The following CCDC83 variants were observed in gnomAD, a reference collection of about 807,000 sequenced individuals.
CCDC83 encodes coiled-coil domain-containing protein 83.
A neutral mutation model predicts 50.1 loss-of-function variants in CCDC83; 54 were observed. The ratio of observed to expected loss-of-function variants is 1.08; its 90% CI spans 0.87 to 1.35. The LOEUF (loss-of-function observed/expected upper bound fraction) is 1.35, where lower values mean the gene tolerates loss of function less well. CCDC83 is among the 40% of genes most tolerant of loss of function. The probability of loss-of-function intolerance (pLI) is 0.00; values close to 1 mark genes in which losing one functional copy is unlikely to be tolerated. For missense variants in CCDC83, 518 were observed against 473.9 expected (o/e 1.09, Z -0.86); for synonymous variants, 161 against 153.3 (o/e 1.05, Z -0.37).
At chr11:85,896,291 C>A (rs2093374884) in intron 6 of CCDC83, among the ~76,000 whole-genome samples, 1 of 148,240 alleles carries the variant, frequency 6.7e-6, no homozygotes, top group Admixed American at 6.9e-5. Flanking sequence ...GTGCCAGCTA[C>A]TTGGGGCACT....
intron 1 of CCDC83, among the ~76,000 whole-genome samples, chr11:85,860,795 T>A (rs939661452): frequency 1.3e-5 from 2 of 152,214 alleles, no homozygotes; most frequent in Admixed American, 6.5e-5. Flanking sequence ...CATGGAATGC[T>A]ACACAGCCAT....
intron 5 of CCDC83, among the ~76,000 whole-genome samples, chr11:85,887,299 C>A (rs1445481877): frequency 6.6e-6 from 1 of 152,172 alleles, no homozygotes; most frequent in East Asian, 1.9e-4. Context: ...AATCATAGGA[C>A]AGAATTAATG....
chr11:85,904,228 C>T (rs1214654395), intron 7 of CCDC83, among the ~76,000 whole-genome samples: 1 of 152,134 alleles, frequency 6.6e-6, no homozygotes, highest in Non-Finnish European at 1.5e-5. Context: ...AGAGAGTTCT[C>T]ATATACGCCA....
At chr11:85,866,158 T>C (rs2093205528) in intron 2 of CCDC83, among the ~76,000 whole-genome samples, 2 of 152,234 alleles carry the variant, frequency 1.3e-5, no homozygotes, top group Admixed American at 1.3e-4. Context: ...ACCTTAGCTT[T>C]TGGCACAAGG....
intron 4 of CCDC83, 60 bp downstream of exon 4, chr11:85,882,735 T>A: frequency 7.0e-7 from 1 of 1,437,520 alleles, no homozygotes; most frequent in Non-Finnish European, 9.7e-7. Context: ...TTGAATATAT[T>A]AATGCTTTAT....
intron 7 of CCDC83, among the ~76,000 whole-genome samples, chr11:85,899,594 A>C (rs187228773): frequency 1.3e-5 from 2 of 152,320 alleles, no homozygotes; most frequent in Admixed American, 1.3e-4. Context: ...TCTCTCCAGG[A>C]AATCTTGGGA....
chr11:85,878,660 A>G (rs998890028), intron 3 of CCDC83, among the ~76,000 whole-genome samples: 12 of 152,230 alleles, frequency 7.9e-5, no homozygotes, highest in Non-Finnish European at 1.6e-4. Flanking sequence ...GGTATTTTTA[A>G]GAACAAAAGT....
At chr11:85,861,718 G>C (rs1026958069) in intron 1 of CCDC83, among the ~76,000 whole-genome samples, 3 of 152,054 alleles carry the variant, frequency 2.0e-5, no homozygotes, top group African/African-American at 7.2e-5. Flanking sequence ...CATTAAAATA[G>C]TCATTTTGGG....
chr11:85,885,647 A>AG, intron 4 of CCDC83, among the ~76,000 whole-genome samples: 1 of 152,330 alleles, frequency 6.6e-6, no homozygotes, highest in African/African-American at 2.4e-5. Context: ...GTTTTACCAA[A>AG]GGGGGGTGGG....
At chr11:85,899,735 GATAA>G (rs2093392067) in intron 7 of CCDC83, among the ~76,000 whole-genome samples, 1 of 152,116 alleles carries the variant, frequency 6.6e-6, no homozygotes, top group African/African-American at 2.4e-5. Context: ...CATGGCACCT[GATAA>G]ATAATCTGTG....
intron 8 of CCDC83, among the ~76,000 whole-genome samples, 161 bp from the exon 9 acceptor site, chr11:85,915,258 G>A (rs1029263077): frequency 2.6e-5 from 4 of 152,138 alleles, no homozygotes; most frequent in Admixed American, 2.6e-4. Context: ...AATACCGTAA[G>A]GCTGTCTGCC....
At chr11:85,873,363 G>A (rs746922200) in intron 3 of CCDC83, 68 bp downstream of exon 3, 10 of 582,742 alleles carry the variant, frequency 1.7e-5, no homozygotes, top group Non-Finnish European at 2.7e-5. Flanking sequence ...AAAAATTGTG[G>A]ATTATGGTGA....
intron 6 of CCDC83, among the ~76,000 whole-genome samples, chr11:85,898,083 A>G (rs952037645): frequency 1.2e-4 from 18 of 151,710 alleles, no homozygotes; most frequent in African/African-American, 4.1e-4. Context: ...TCTTGAACCC[A>G]GGAGCAGAGG....
intron 3 of CCDC83, 47 bp downstream of exon 3, chr11:85,873,342 C>A (rs1592145770): frequency 7.0e-6 from 5 of 715,202 alleles, no homozygotes; most frequent in Non-Finnish European, 1.1e-5. Flanking sequence ...AATATTTACA[C>A]TCATGCTTTA....
intron 3 of CCDC83, among the ~76,000 whole-genome samples, chr11:85,875,321 C>T (rs1366706817): frequency 6.6e-6 from 1 of 152,196 alleles, no homozygotes; most frequent in African/African-American, 2.4e-5. Context: ...GAGGATTTAC[C>T]CAGGACTGTT....
chr11:85,878,794 C>A (rs1394136690), intron 3 of CCDC83, among the ~76,000 whole-genome samples: 1 of 152,162 alleles, frequency 6.6e-6, no homozygotes, highest in Non-Finnish European at 1.5e-5. Context: ...TTCCCACCAT[C>A]ATATAAGAGG....
chr11:85,900,948 C>T (rs577266538), intron 7 of CCDC83, among the ~76,000 whole-genome samples: 2 of 151,964 alleles, frequency 1.3e-5, no homozygotes, highest in Non-Finnish European at 2.9e-5. Context: ...ACCTGTAGTC[C>T]CAGCTACTTG....
chr11:85,900,819 C>T lies in CCDC83; in HGVS notation c.672+1804C>T, dbSNP rs144423445. ...GTGGCTCACACCTCTAATCCCAGCA[C>T]TTTGGGAGGCTGAGGAGGGCAGATC... On this transcript the variant is annotated intron_variant, in intron 7 of 10. Coordinates refer to ENST00000342404, the MANE Select transcript of CCDC83 (RefSeq NM_001286159.2). 4.7e-3 allele frequency among the ~76,000 whole-genome samples: 721 copies of T among 152,210 alleles called. 8 individuals carry two copies. Among genetic ancestry groups the T allele is most frequent in the African/African-American group, 0.017 (703 of 41,520 alleles).
intron 7 of CCDC83, among the ~76,000 whole-genome samples, chr11:85,905,695 C>T (rs530244263): frequency 6.6e-6 from 1 of 151,562 alleles, no homozygotes; most frequent in Admixed American, 6.6e-5. Flanking sequence ...GAGGGCCAGG[C>T]GCAGTGGCTC....
Sources: allele counts gnomAD v4.1 joint callset (sites outside exome capture counted in the v4.1 genomes callset), GRCh38; gene constraint gnomAD v4.1.1; transcripts MANE v1.5; gene names NCBI Gene and HGNC (gene_info 2026-07-23, HGNC 2026-07-21).